The following SMYD3 variants were observed in gnomAD, a reference collection of about 807,000 sequenced individuals.
SMYD3 encodes the protein SET and MYND domain containing 3, also known as histone-lysine N-methyltransferase SMYD3.
SMYD3 carries 36 observed loss-of-function variants against 57.7 expected under a neutral mutation model. The observed-to-expected ratio is 0.62, with a 90% CI of 0.48 to 0.82. The LOEUF is 0.82. Ranked by LOEUF, SMYD3 falls within the 40% of genes least tolerant of loss-of-function variation. The probability of loss-of-function intolerance (pLI) is 0.00; values close to 1 mark genes in which losing one functional copy is unlikely to be tolerated. For synonymous variants in SMYD3, 211 were observed against 195.0 expected (o/e 1.08, Z -0.68); for missense variants, 515 against 538.8 (o/e 0.96, Z 0.44).
At chr1:246,444,533 G>C (rs1015714103) in intron 1 of SMYD3, among the ~76,000 whole-genome samples, 1 of 152,190 alleles carries the variant, frequency 6.6e-6, no homozygotes, top group Admixed American at 6.5e-5. Flanking sequence ...AAGCATGACT[G>C]ACTGCCTTTG....
At chr1:246,093,318 C>T (rs1222880568) in intron 5 of SMYD3, among the ~76,000 whole-genome samples, 1 of 152,176 alleles carries the variant, frequency 6.6e-6, no homozygotes, top group Non-Finnish European at 1.5e-5. Context: ...CCTGCACTCT[C>T]ATGTTTATCA....
intron 5 of SMYD3, among the ~76,000 whole-genome samples, chr1:246,018,889 C>T (rs1412595141): frequency 6.6e-6 from 1 of 152,098 alleles, no homozygotes; most frequent in Non-Finnish European, 1.5e-5. Context: ...CAGGCATGAG[C>T]CACCATGCCC....
intron 5 of SMYD3, among the ~76,000 whole-genome samples, chr1:246,066,069 C>T (rs2060335389): frequency 6.6e-6 from 1 of 152,156 alleles, no homozygotes; most frequent in African/African-American, 2.4e-5. Context: ...AGAAGAAGGA[C>T]AGTACATGCA....
intron 11 of SMYD3, among the ~76,000 whole-genome samples, chr1:245,758,921 T>C (rs2045720065): frequency 6.6e-6 from 1 of 152,220 alleles, no homozygotes; most frequent in Non-Finnish European, 1.5e-5. Flanking sequence ...TATGAGACTC[T>C]GAATTTTACC....
intron 5 of SMYD3, among the ~76,000 whole-genome samples, chr1:246,193,402 C>G (rs1423607566): frequency 6.6e-6 from 1 of 152,216 alleles, no homozygotes; most frequent in Non-Finnish European, 1.5e-5. Flanking sequence ...TTAGACTGTA[C>G]TGATGAATGT....
intron 5 of SMYD3, among the ~76,000 whole-genome samples, chr1:246,099,672 GA>G (rs1188369263): frequency 6.6e-6 from 1 of 151,526 alleles, no homozygotes; most frequent in Admixed American, 6.6e-5. Flanking sequence ...AAGTGAAAGG[GA>G]AAAAAAACAC....
rs557080263 is a variant in SMYD3, at chr1:246,292,156, C to T, written c.531+35045G>A. ...ACACCAGCATCTTAGACTTACTATC[C>T]AACACACCAGCATCTTAGACTTACT... On this transcript the variant is annotated intron_variant, in intron 5 of 11. Transcript: ENST00000490107. Among the ~76,000 whole-genome samples the T allele has an allele frequency of 6.0e-3, 900 of 150,228 alleles. 2 individuals are homozygous for T. Among genetic ancestry groups the T allele is most frequent in the African/African-American group, 0.02 (813 of 40,472 alleles).
intron 5 of SMYD3, among the ~76,000 whole-genome samples, chr1:245,966,686 C>T (rs981533827): frequency 2.0e-5 from 3 of 152,144 alleles, no homozygotes; most frequent in African/African-American, 7.2e-5. Context: ...CTTGGGAAGA[C>T]AGGCTTTCAG....
intron 5 of SMYD3, chr1:246,326,884 T>C (rs1290384457): frequency 5.5e-6 from 2 of 361,336 alleles, no homozygotes; most frequent in African/African-American, 2.1e-5. Context: ...AACAAGTCCA[T>C]TCACAAAAAA....
At chr1:245,862,391 T>C (rs1337061953) in intron 9 of SMYD3, among the ~76,000 whole-genome samples, 1 of 152,204 alleles carries the variant, frequency 6.6e-6, no homozygotes, top group African/African-American at 2.4e-5. Context: ...CTTATGCATA[T>C]TTACATATTT....
chr1:245,971,392 T>G (rs1243397366), intron 5 of SMYD3, among the ~76,000 whole-genome samples: 1 of 152,100 alleles, frequency 6.6e-6, no homozygotes, highest in Non-Finnish European at 1.5e-5. Context: ...CGTGTATACC[T>G]ATGTAACAAA....
chr1:245,964,097 T>A (rs1316543236), intron 5 of SMYD3, among the ~76,000 whole-genome samples: 1 of 152,098 alleles, frequency 6.6e-6, no homozygotes, highest in East Asian at 1.9e-4. Flanking sequence ...TTCACCATCA[T>A]GGCAGAAGGC....
intron 8 of SMYD3, among the ~76,000 whole-genome samples, chr1:245,890,559 AG>A (rs2053325371): frequency 6.6e-6 from 1 of 152,334 alleles, no homozygotes; most frequent in Admixed American, 6.5e-5. Context: ...TTGATCCAAA[AG>A]ATAGGGAGTA....
At chr1:245,977,543 G>C (rs942490487) in intron 5 of SMYD3, among the ~76,000 whole-genome samples, 5 of 152,172 alleles carry the variant, frequency 3.3e-5, no homozygotes, top group Admixed American at 3.3e-4. Flanking sequence ...GCCAGGTGTG[G>C]TGGTGCATGC....
chr1:246,331,373 A>C (rs964842946), intron 3 of SMYD3, among the ~76,000 whole-genome samples: 1 of 152,232 alleles, frequency 6.6e-6, no homozygotes, highest in Non-Finnish European at 1.5e-5. Flanking sequence ...TGAAGAGGAA[A>C]GTAGAAAATG....
chr1:246,034,830 ATCCCACCTT>A (rs2059741886), intron 5 of SMYD3, among the ~76,000 whole-genome samples: 1 of 152,070 alleles, frequency 6.6e-6, no homozygotes, highest in Admixed American at 6.6e-5. Flanking sequence ...CTGCAATGTA[ATCCCACCTT>A]TCCCAGAGTT....
chr1:246,296,060 A>C (rs949160906), intron 5 of SMYD3, among the ~76,000 whole-genome samples: 1 of 152,202 alleles, frequency 6.6e-6, no homozygotes, highest in Admixed American at 6.5e-5. Flanking sequence ...TTCATCTAGA[A>C]AATGTTAGAA....
chr1:246,373,310 C>T (rs2066220004), intron 1 of SMYD3, among the ~76,000 whole-genome samples: 1 of 151,952 alleles, frequency 6.6e-6, no homozygotes, highest in Admixed American at 6.6e-5. Context: ...TCTAGTCTAA[C>T]GCAGGGCATA....
At chr1:246,324,785 C>T (rs1274904424) in intron 5 of SMYD3, among the ~76,000 whole-genome samples, 8 of 151,114 alleles carry the variant, frequency 5.3e-5, no homozygotes, top group African/African-American at 1.5e-4. Context: ...TAATTTTATA[C>T]CAGAGTAAAA....
Sources: allele counts gnomAD v4.1 joint callset (sites outside exome capture counted in the v4.1 genomes callset), GRCh38; gene constraint gnomAD v4.1.1; transcripts MANE v1.5; gene names NCBI Gene and HGNC (gene_info 2026-07-23, HGNC 2026-07-21).